Variants in FAM117B observed in about 807,000 individuals in gnomAD.
FAM117B encodes the protein protein FAM117B.
Under a neutral mutation model 52.8 loss-of-function variants are expected in FAM117B, and 22 were observed. That is an observed-to-expected ratio of 0.42 (90% CI 0.30 to 0.59). The LOEUF (loss-of-function observed/expected upper bound fraction) is 0.59, where lower values mean the gene tolerates loss of function less well. Ranked by LOEUF, FAM117B falls within the 20% of genes least tolerant of loss-of-function variation. The pLI is 0.22. For missense variants in FAM117B, 678 were observed against 802.6 expected (o/e 0.84, Z 1.88); for synonymous variants, 309 against 324.1 (o/e 0.95, Z 0.50).
intron 1 of FAM117B, among the ~76,000 whole-genome samples, chr2:202,686,506 C>A (rs951275950): frequency 6.6e-6 from 1 of 152,066 alleles, no homozygotes; most frequent in African/African-American, 2.4e-5. Context: ...GGAAGCAATC[C>A]GCGCCCATCG....
intron 1 of FAM117B, among the ~76,000 whole-genome samples, chr2:202,637,230 G>A (rs1689701535): frequency 6.6e-6 from 1 of 151,030 alleles, no homozygotes; most frequent in Non-Finnish European, 1.5e-5. Context: ...CCAGAGCACT[G>A]TTTTATTTAT....
intron 1 of FAM117B, among the ~76,000 whole-genome samples, chr2:202,656,320 C>G (rs1454197760): frequency 6.6e-6 from 1 of 151,976 alleles, no homozygotes; most frequent in Non-Finnish European, 1.5e-5. Context: ...GATTTGAAAT[C>G]TTCTTTTTCT....
intron 1 of FAM117B, 98 bp from the exon 2 acceptor site, chr2:202,695,783 T>G: frequency 7.7e-7 from 1 of 1,305,240 alleles, no homozygotes; most frequent in East Asian, 2.5e-5. Context: ...GGGATTACCA[T>G]AGTTAAGTTG....
In FAM117B at chr2:202,731,335, ATATATAT is replaced by A. The variant is rs1559111601; in HGVS notation, c.960+4973_960+4979del. On this transcript the variant is annotated intron_variant, in intron 4 of 7. Coordinates refer to ENST00000392238, the MANE Select transcript of FAM117B (RefSeq NM_173511.4). Reference sequence around the variant, plus strand: ...GGGGAGGATGTGGAGAAATTGGAATATATATATATATATATATATATATATATATATA... The same window carrying A: ...GGGGAGGATGTGGAGAAATTGGAATAATATATATATATATATATATATATA... Among the ~76,000 whole-genome samples, 57 of 98,656 alleles carry A rather than the reference ATATATAT, an allele frequency of 5.8e-4. 1 individual carries two copies. The highest frequency in any genetic ancestry group is 2.3e-3 in the East Asian group (7 of 3,096). The allele number at this position is 98,656 out of a possible 152,430, so 64.7% of individuals were successfully genotyped here.
At position 202,663,776 on chromosome 2, in the gene FAM117B, G is replaced by A. The variant is rs541280870; in HGVS notation, c.601+27988G>A. 1.5e-3 allele frequency among the ~76,000 whole-genome samples: 231 copies of A among 152,140 alleles called. 1 individual carries two copies. Among genetic ancestry groups the A allele is most frequent in the African/African-American group, 5.4e-3 (225 of 41,506 alleles). The stretch of plus-strand genomic sequence containing the variant: ...GTTTTGTATTTTTAGTGGAGACGGG[G>A]TTTCACTATGTTGGCCAGGCTGGTC... On this transcript the variant is annotated intron_variant, in intron 1 of 7. Transcript: ENST00000392238.
chr2:202,740,355 G>A (rs1691513417), intron 4 of FAM117B, among the ~76,000 whole-genome samples: 1 of 102,418 alleles, frequency 9.8e-6, no homozygotes. Flanking sequence ...ACGAGACTCT[G>A]CCTCAAAAAA....
intron 1 of FAM117B, among the ~76,000 whole-genome samples, chr2:202,655,667 A>G (rs1205819361): frequency 6.7e-6 from 1 of 150,028 alleles, no homozygotes; most frequent in Non-Finnish European, 1.5e-5. Context: ...AAATTTCCCC[A>G]GTGAAATCAT....
rs139412458 is a variant in FAM117B, at chr2:202,653,400, C to T, written c.601+17612C>T. 9.4e-3 allele frequency among the ~76,000 whole-genome samples: 1,429 copies of T among 152,276 alleles called. 24 individuals carry two copies. Among genetic ancestry groups the T allele is most frequent in the African/African-American group, 0.032 (1,325 of 41,556 alleles). ...TGTTTTGTTTTAAGAGACAGGGTCTCGCTATGTTGCTTAGGCTGGTCTGGA... is the reference window on the plus strand; with the variant it reads ...TGTTTTGTTTTAAGAGACAGGGTCTTGCTATGTTGCTTAGGCTGGTCTGGA... On this transcript the variant is annotated intron_variant, in intron 1 of 7. Coordinates refer to ENST00000392238, the MANE Select transcript of FAM117B (RefSeq NM_173511.4).
At chr2:202,732,629 GC>G (rs1173686805) in intron 4 of FAM117B, among the ~76,000 whole-genome samples, 1 of 151,970 alleles carries the variant, frequency 6.6e-6, no homozygotes, top group African/African-American at 2.4e-5. Context: ...AACCACCCTG[GC>G]CAACATAGTG....
intron 1 of FAM117B, among the ~76,000 whole-genome samples, chr2:202,660,600 T>A (rs944751932): frequency 6.6e-6 from 1 of 152,192 alleles, no homozygotes; most frequent in African/African-American, 2.4e-5. Context: ...AGTGTTCCTT[T>A]TTCAGCTCCC....
intron 1 of FAM117B, among the ~76,000 whole-genome samples, chr2:202,669,025 A>G (rs1690251941): frequency 6.6e-6 from 1 of 152,198 alleles, no homozygotes; most frequent in Non-Finnish European, 1.5e-5. Flanking sequence ...CAAAATAAGG[A>G]ATAATATATG....
At chr2:202,748,334 GA>G (rs1484685665) in intron 4 of FAM117B, among the ~76,000 whole-genome samples, 1 of 152,050 alleles carries the variant, frequency 6.6e-6, no homozygotes, top group African/African-American at 2.4e-5. Flanking sequence ...ACTCCTGGAA[GA>G]AAACATAGGG....
At chr2:202,659,319 GTTTCT>G (rs1338949486) in intron 1 of FAM117B, among the ~76,000 whole-genome samples, 1 of 150,342 alleles carries the variant, frequency 6.7e-6, no homozygotes, top group Non-Finnish European at 1.5e-5. Flanking sequence ...TTGGTTTTTT[GTTTCT>G]TTTGAGACAG....
intron 4 of FAM117B, among the ~76,000 whole-genome samples, chr2:202,733,556 A>G (rs13432230): frequency 0.081 from 12,351 of 151,982 alleles, 1,613 homozygotes; most frequent in African/African-American, 0.28. Context: ...AATTATTAAT[A>G]TTCCTTGCTG....
At chr2:202,725,261 T>C in intron 3 of FAM117B, 1 of 276,954 alleles carries the variant, frequency 3.6e-6, no homozygotes, top group East Asian at 6.7e-5. Context: ...TAACATCAGA[T>C]TTAAAAATTG....
chr2:202,756,062 G>T (rs1356610502), intron 5 of FAM117B, among the ~76,000 whole-genome samples: 1 of 152,000 alleles, frequency 6.6e-6, no homozygotes, highest in Non-Finnish European at 1.5e-5. Flanking sequence ...CTCCTTTTTT[G>T]AATGTCAGTG....
At chr2:202,656,131 G>T (rs1429976875) in intron 1 of FAM117B, among the ~76,000 whole-genome samples, 1 of 152,092 alleles carries the variant, frequency 6.6e-6, no homozygotes, top group African/African-American at 2.4e-5. Flanking sequence ...GGTCAGAATG[G>T]CTAGAGAGGT....
chr2:202,700,601 A>G (rs924276422), intron 2 of FAM117B, among the ~76,000 whole-genome samples: 3 of 152,384 alleles, frequency 2.0e-5, no homozygotes, highest in African/African-American at 7.2e-5. Flanking sequence ...AAGGTGAAGC[A>G]GCAAGTACTG....
chr2:202,645,629 A>G (rs973815235), intron 1 of FAM117B, among the ~76,000 whole-genome samples: 1 of 145,538 alleles, frequency 6.9e-6, no homozygotes, highest in African/African-American at 2.6e-5. Context: ...TTTGAGACGG[A>G]GTCTCGCTCT....
Sources: gnomAD v4.1 joint callset for allele counts (sites outside exome capture counted in the v4.1 genomes callset) on GRCh38, gnomAD v4.1.1 for gene constraint, MANE v1.5 for transcripts, NCBI Gene and HGNC (gene_info 2026-07-23, HGNC 2026-07-21) for gene names.